EPHA4: variants seen among roughly 807,000 people sequenced by gnomAD.
EPHA4 encodes the protein EPH receptor A4.
A neutral mutation model predicts 108.3 loss-of-function variants in EPHA4; 19 were observed. The observed-to-expected ratio is 0.18, with a 90% CI of 0.12 to 0.26. The LOEUF (loss-of-function observed/expected upper bound fraction) is 0.26. Ranked by LOEUF, EPHA4 falls within the 10% of genes least tolerant of loss-of-function variation. The pLI, the probability that EPHA4 is intolerant of heterozygous loss-of-function variation, is 1.00. For missense variants in EPHA4, 917 were observed against 1,254.0 expected (o/e 0.73, Z 4.06); for synonymous variants, 449 against 455.5 (o/e 0.99, Z 0.18).
At chr2:221,468,959 C>A (rs1259529124) in intron 5 of EPHA4, among the ~76,000 whole-genome samples, 2 of 152,204 alleles carry the variant, frequency 1.3e-5, no homozygotes, top group East Asian at 3.9e-4. Context: ...AAATCCAAAT[C>A]ATCTGTGAAG....
At chr2:221,432,824 T>G (rs956028404) in intron 14 of EPHA4, among the ~76,000 whole-genome samples, 7 of 138,926 alleles carry the variant, frequency 5.0e-5, no homozygotes, top group Admixed American at 2.1e-4. Flanking sequence ...TTGTATTTTT[T>G]TTTTTTTTTT....
rs1344738551 is a variant in EPHA4, at chr2:221,545,235, CG to C, written c.823+18495del. Among the ~76,000 whole-genome samples the C allele has an allele frequency of 7.2e-3, 171 of 23,770 alleles. 1 individual carries two copies. The highest frequency in any genetic ancestry group is 0.069 in the African/African-American group (157 of 2,280). The allele number at this position is 23,770 out of a possible 152,430, so 15.6% of individuals were successfully genotyped here. On this transcript the variant is annotated intron_variant, in intron 3 of 17. Transcript: ENST00000281821. ...GACCGAGGTGGGCGGATCACGAGGT[CG>C]AGGTGGGCGGATCACGAGGTCGGGA... is the stretch of plus-strand genomic sequence containing the variant.
In EPHA4 at chr2:221,566,922, GAAGGA is replaced by G. The variant is rs1559297243; in HGVS notation, c.159+1791_159+1795del. On this transcript the variant is annotated intron_variant, in intron 2 of 17. Transcript: ENST00000281821. ...AGAAGGAGAAGGAGAAGGAGAAGGAGAAGGAGAAGGAGAAGGAGAAGGAGAAGGAG... is the reference window on the plus strand; with the variant it reads ...AGAAGGAGAAGGAGAAGGAGAAGGAGGAAGGAGAAGGAGAAGGAGAAGGAG... Among the ~76,000 whole-genome samples the G allele has an allele frequency of 4.4e-4, 27 of 60,792 alleles. 8 individuals carry two copies. Among genetic ancestry groups the G allele is most frequent in the African/African-American group, 2.5e-3 (26 of 10,464 alleles). 39.9% of individuals were successfully genotyped at this position (60,792 alleles called of 152,430 possible). A position where few individuals can be genotyped will look rare whatever the true frequency, so the allele number is the denominator to read the frequency against.
intron 3 of EPHA4, among the ~76,000 whole-genome samples, chr2:221,515,869 A>G (rs1159090869): frequency 6.6e-6 from 1 of 151,890 alleles, no homozygotes; most frequent in Non-Finnish European, 1.5e-5. Context: ...AAAGCAGACC[A>G]TAAGAAGATC....
intron 3 of EPHA4, among the ~76,000 whole-genome samples, chr2:221,515,663 A>T (rs1182338268): frequency 6.6e-6 from 1 of 152,028 alleles, no homozygotes; most frequent in Non-Finnish European, 1.5e-5. Flanking sequence ...AGAAGTTTTT[A>T]AAAATTAGCT....
intron 5 of EPHA4, among the ~76,000 whole-genome samples, chr2:221,470,825 G>T (rs557894425): frequency 6.6e-6 from 1 of 152,060 alleles, no homozygotes; most frequent in Non-Finnish European, 1.5e-5. Flanking sequence ...CTGAAAATGT[G>T]GCCATGCAAT....
intron 3 of EPHA4, among the ~76,000 whole-genome samples, chr2:221,509,231 G>T (rs2710502): frequency 6.6e-6 from 1 of 152,066 alleles, no homozygotes; most frequent in Non-Finnish European, 1.5e-5. Context: ...AGGAGGCTGA[G>T]GTAGGAGAAT....
intron 3 of EPHA4, 104 bp from the exon 4 acceptor site, chr2:221,501,276 G>T: frequency 9.7e-7 from 1 of 1,032,300 alleles, no homozygotes; most frequent in Non-Finnish European, 1.3e-6. Context: ...AGACGTTCTT[G>T]CTAATCATTA....
intron 9 of EPHA4, among the ~76,000 whole-genome samples, chr2:221,445,584 C>A (rs976343723): frequency 1.6e-5 from 2 of 126,810 alleles, no homozygotes; most frequent in Non-Finnish European, 3.4e-5. Flanking sequence ...AGCAAGACTC[C>A]GTCAGAAAAA....
intron 5 of EPHA4, among the ~76,000 whole-genome samples, chr2:221,478,113 G>C (rs993067253): frequency 7.9e-5 from 12 of 152,024 alleles, no homozygotes; most frequent in Admixed American, 5.9e-4. Flanking sequence ...GCCAGAATAT[G>C]GTCCAGCCTC....
intron 4 of EPHA4, among the ~76,000 whole-genome samples, chr2:221,496,394 G>A (rs1692296923): frequency 6.6e-6 from 1 of 152,108 alleles, no homozygotes; most frequent in South Asian, 2.1e-4. Flanking sequence ...CGTGTCAAGT[G>A]TCTACAGTAC....
chr2:221,456,862 C>T, intron 6 of EPHA4, 90 bp from the exon 7 acceptor site: 2 of 1,434,234 alleles, frequency 1.4e-6, no homozygotes. Flanking sequence ...TCAAGCCAGT[C>T]AACTCAGAAA....
intron 3 of EPHA4, 60 bp downstream of exon 3, chr2:221,563,671 C>A (rs1574662716): frequency 6.4e-7 from 1 of 1,566,270 alleles, no homozygotes; most frequent in East Asian, 2.2e-5. Context: ...TTAGTCTCAT[C>A]TCTGATTTAA....
intron 3 of EPHA4, among the ~76,000 whole-genome samples, chr2:221,556,758 C>A (rs180770350): frequency 3.9e-5 from 6 of 152,050 alleles, no homozygotes; most frequent in Non-Finnish European, 7.4e-5. Flanking sequence ...ATAGAAAAAA[C>A]GATAGAGAGA....
intron 8 of EPHA4, among the ~76,000 whole-genome samples, chr2:221,450,190 C>A (rs1455116128): frequency 6.6e-6 from 1 of 152,222 alleles, no homozygotes; most frequent in African/African-American, 2.4e-5. Flanking sequence ...AGGCGGACCA[C>A]CTGAGGTCAG....
At chr2:221,496,020 C>A (rs1414202553) in intron 4 of EPHA4, among the ~76,000 whole-genome samples, 2 of 152,128 alleles carry the variant, frequency 1.3e-5, no homozygotes, top group Non-Finnish European at 2.9e-5. Flanking sequence ...CCTGGCTTAA[C>A]CAACTGGGAA....
At position 221,457,849 on chromosome 2, in the gene EPHA4, G is replaced by C. The variant is rs201665154; in HGVS notation, c.1443+17C>G. 6.2e-7 allele frequency: 1 copy of C among 1,610,442 alleles called. No homozygotes were observed. The highest frequency in any genetic ancestry group is 8.5e-7 in the Non-Finnish European group (1 of 1,178,102). ...GGAAGGAAGAAAGGAAAGGAGTGTT[G>C]TTCACTCAAGTAATACCTTCTCATA... On this transcript the variant is annotated intron_variant, in intron 6 of 17. Transcript: ENST00000281821.
At chr2:221,443,702 T>A (rs1242609369) in intron 9 of EPHA4, 96 bp from the exon 10 acceptor site, 6 of 861,062 alleles carry the variant, frequency 7.0e-6, no homozygotes, top group Non-Finnish European at 1.1e-5. Flanking sequence ...ATAGGAAAAG[T>A]CAAGTTAGCT....
chr2:221,531,719 C>T (rs1046767065), intron 3 of EPHA4, among the ~76,000 whole-genome samples: 5 of 90,370 alleles, frequency 5.5e-5, no homozygotes, highest in East Asian at 2.7e-4. Context: ...ATCTGTCTCA[C>T]ACATACATTC....
Sources: allele counts gnomAD v4.1 joint callset (sites outside exome capture counted in the v4.1 genomes callset), GRCh38; gene constraint gnomAD v4.1.1; transcripts MANE v1.5; gene names NCBI Gene and HGNC (gene_info 2026-07-23, HGNC 2026-07-21).